Variants in ANAPC7 observed in about 807,000 individuals in gnomAD.
The protein encoded by ANAPC7 is anaphase promoting complex subunit 7.
Under a neutral mutation model 63.3 loss-of-function variants are expected in ANAPC7, and 25 were observed. That is an observed-to-expected ratio of 0.39 (90% CI 0.29 to 0.55). ANAPC7 has a LOEUF of 0.55. ANAPC7 is among the 20% of genes least tolerant of loss of function. The pLI, the probability that ANAPC7 is intolerant of heterozygous loss-of-function variation, is 0.57. For synonymous variants in ANAPC7, 241 were observed against 251.7 expected (o/e 0.96, Z 0.40); for missense variants, 516 against 691.7 (o/e 0.75, Z 2.85).
chr12:110,380,227 T>C (rs1881691269), intron 8 of ANAPC7, among the ~76,000 whole-genome samples: 3 of 152,130 alleles, frequency 2.0e-5, no homozygotes, highest in East Asian at 3.9e-4. Flanking sequence ...GGTGTATGCC[T>C]GTAATCCCAG....
chr12:110,401,212 C>T (rs1473606308), intron 1 of ANAPC7, among the ~76,000 whole-genome samples: 2 of 152,194 alleles, frequency 1.3e-5, no homozygotes, highest in African/African-American at 4.8e-5. Flanking sequence ...TCCATTATAA[C>T]GCCATTTGGA....
intron 1 of ANAPC7, among the ~76,000 whole-genome samples, chr12:110,402,690 G>T (rs1163362745): frequency 6.6e-6 from 1 of 152,000 alleles, no homozygotes; most frequent in African/African-American, 2.4e-5. Context: ...TCAGCTCAGT[G>T]CTTCAAGGAA....
chr12:110,398,414 G>A (rs1488498394), intron 1 of ANAPC7, among the ~76,000 whole-genome samples: 1 of 140,396 alleles, frequency 7.1e-6, no homozygotes, highest in Non-Finnish European at 1.6e-5. Context: ...ATGAAACCCT[G>A]TCTCAGAAAA....
intron 6 of ANAPC7, 86 bp from the exon 7 acceptor site, chr12:110,383,046 C>A (rs1039286606): frequency 3.0e-6 from 3 of 997,526 alleles, no homozygotes; most frequent in African/African-American, 3.2e-5. Context: ...AACATCAGAC[C>A]CCATGCTGAG....
chr12:110,381,586 C>T (rs753036966), intron 8 of ANAPC7, among the ~76,000 whole-genome samples, 166 bp downstream of exon 8: 7 of 152,088 alleles, frequency 4.6e-5, no homozygotes, highest in Non-Finnish European at 5.9e-5. Context: ...CTGCCCGTCT[C>T]GGCCTCCCAA....
chr12:110,378,571 C>G (rs560153451), intron 8 of ANAPC7: 2 of 152,438 alleles, frequency 1.3e-5, no homozygotes, highest in African/African-American at 4.8e-5. Flanking sequence ...CAGACTGCAA[C>G]TGGCAGCCCT....
At chr12:110,390,538 C>T (rs974500730) in intron 3 of ANAPC7, among the ~76,000 whole-genome samples, 1 of 152,158 alleles carries the variant, frequency 6.6e-6, no homozygotes, top group Non-Finnish European at 1.5e-5. Context: ...AGATAAAGAA[C>T]ATCTGTTCCA....
chr12:110,389,696 C>T (rs1882933979), intron 3 of ANAPC7, among the ~76,000 whole-genome samples: 1 of 152,096 alleles, frequency 6.6e-6, no homozygotes, highest in Non-Finnish European at 1.5e-5. Flanking sequence ...CTTTGGGAGG[C>T]CGAGGTGGGT....
rs1881228639 is a variant in ANAPC7, at chr12:110,375,970, A to G, written c.1508+96T>C. The G allele has an allele frequency of 2.1e-6, 3 of 1,429,908 alleles. No individual in the cohort carries two copies. In the Admixed American group the frequency reaches 7.3e-5, roughly 35 times the overall value. The allele number at this position is 1,429,908 out of a possible 1,614,324, so 88.6% of individuals were successfully genotyped here. ...TATTATTCTGCTTTCAACCATGGAC[A>G]CAAAGTGTGTGTGTGTTTCCATAAC... On this transcript the variant is annotated intron_variant, in intron 10 of 10. Coordinates refer to ENST00000455511, the MANE Select transcript of ANAPC7 (RefSeq NM_016238.3).
chr12:110,380,958 A>G (rs993212879), intron 8 of ANAPC7, among the ~76,000 whole-genome samples: 1 of 151,292 alleles, frequency 6.6e-6, no homozygotes, highest in Non-Finnish European at 1.5e-5. Context: ...GGAGTAAGAG[A>G]AAAAAAATAG....
In ANAPC7 at chr12:110,399,093, T is replaced by C. The variant is rs184522048; in HGVS notation, c.102-2641A>G. 5.5e-3 allele frequency among the ~76,000 whole-genome samples: 823 copies of C among 149,874 alleles called. 5 individuals are homozygous for C. The highest frequency in any genetic ancestry group is 0.019 in the African/African-American group (782 of 40,886). On this transcript the variant is annotated intron_variant, in intron 1 of 10. Coordinates refer to ENST00000455511, the MANE Select transcript of ANAPC7 (RefSeq NM_016238.3). ...TAGAATGCAGTGGCACAATCTCGGCTCACTACGACCCCTGCCTCCCGGGTT... is the reference window on the plus strand; with the variant it reads ...TAGAATGCAGTGGCACAATCTCGGCCCACTACGACCCCTGCCTCCCGGGTT...
chr12:110,396,517 T>A, intron 1 of ANAPC7, 65 bp from the exon 2 acceptor site: 3 of 391,808 alleles, frequency 7.7e-6, no homozygotes, highest in Non-Finnish European at 1.1e-5. Flanking sequence ...CCCCAGCTTC[T>A]TTTTTTTTTT....
intron 6 of ANAPC7, among the ~76,000 whole-genome samples, chr12:110,384,741 T>A (rs1332627604): frequency 6.6e-6 from 1 of 151,446 alleles, no homozygotes; most frequent in African/African-American, 2.4e-5. Context: ...TACCTCACAA[T>A]TTGAAAGCCT....
chr12:110,387,239 C>CAGAGAGAGAGAG (rs1566268639), intron 5 of ANAPC7: 1 of 35,232 alleles, frequency 2.8e-5, no homozygotes, highest in Non-Finnish European at 5.8e-5. Context: ...GAGAGAGAGA[C>CAGAGAGAGAGAG]AGAGAGACAG....
intron 6 of ANAPC7, chr12:110,383,200 A>G (rs537337913): frequency 1.3e-5 from 5 of 383,982 alleles, no homozygotes; most frequent in Non-Finnish European, 2.4e-5. Context: ...GCACTTTAAG[A>G]AGCCGAGGCA....
In ANAPC7 at chr12:110,373,052, G is replaced by A. The variant is rs191851189; in HGVS notation, c.*1092C>T. ...GGACTAATTTTTGAATTTGGGATTA[G>A]CTGTGACACCCACCCCTCACCTCCG... On this transcript the variant is annotated 3_prime_UTR_variant, in exon 11 of 11. Transcript: ENST00000455511. The A allele has an allele frequency of 6.6e-6, 1 of 152,206 alleles. No individual in the cohort carries two copies. The highest frequency in any genetic ancestry group is 1.5e-5 in the Non-Finnish European group (1 of 68,024). The allele number at this position is 152,206 out of a possible 1,614,324, so 9.4% of individuals were successfully genotyped here.
chr12:110,401,185 T>C (rs1399973052), intron 1 of ANAPC7, among the ~76,000 whole-genome samples: 1 of 152,148 alleles, frequency 6.6e-6, no homozygotes, highest in Non-Finnish European at 1.5e-5. Context: ...CACTAATACA[T>C]CTACAGAGTA....
intron 6 of ANAPC7, among the ~76,000 whole-genome samples, chr12:110,385,619 C>T (rs889835989): frequency 6.6e-6 from 1 of 152,178 alleles, no homozygotes; most frequent in Non-Finnish European, 1.5e-5. Context: ...CAAATCCATC[C>T]TTCTAGATCT....
In ANAPC7 at chr12:110,377,424, A is replaced by G; in HGVS notation, c.1326T>C (p.Ile442=). The part of the protein sequence containing the change: ...DKALTQRPDY[I]KAVVKKAELL... ...GTTCTGCTTTTTTCACCACAGCCTT[A>G]ATGTAATCTGGCCTTTGGGTCAGGG... The change falls in exon 9 of 11, where the codon ATT becomes ATC. Residue 442 remains isoleucine (I), a synonymous_variant. Coordinates refer to ENST00000455511, the MANE Select transcript of ANAPC7 (RefSeq NM_016238.3). 1 of 1,614,142 alleles carries G rather than the reference A, an allele frequency of 6.2e-7. No homozygotes were observed. Among genetic ancestry groups the G allele is most frequent in the Non-Finnish European group, 8.5e-7 (1 of 1,179,994 alleles).
Sources: gnomAD v4.1 joint callset for allele counts (sites outside exome capture counted in the v4.1 genomes callset) on GRCh38, gnomAD v4.1.1 for gene constraint, MANE v1.5 for transcripts, NCBI Gene and HGNC (gene_info 2026-07-23, HGNC 2026-07-21) for gene names.